LMTK2: variants seen among roughly 807,000 people sequenced by gnomAD.
The protein encoded by LMTK2 is serine/threonine-protein kinase LMTK2.
LMTK2 carries 37 observed loss-of-function variants against 127.5 expected under a neutral mutation model. The ratio of observed to expected loss-of-function variants is 0.29; its 90% CI spans 0.22 to 0.38. The LOEUF is 0.38. Ranked by LOEUF, LMTK2 falls within the 10% of genes least tolerant of loss-of-function variation. The pLI is 1.00. For missense variants in LMTK2, 1,694 were observed against 1,920.3 expected (o/e 0.88, Z 2.20); for synonymous variants, 819 against 810.1 (o/e 1.01, Z -0.19).
At chr7:98,123,506 G>C (rs1436319312) in intron 1 of LMTK2, among the ~76,000 whole-genome samples, 1 of 151,950 alleles carries the variant, frequency 6.6e-6, no homozygotes, top group Non-Finnish European at 1.5e-5. Flanking sequence ...GTCTTGCAGT[G>C]GTGTCTCTGT....
At chr7:98,126,188 A>T (rs1157615287) in intron 1 of LMTK2, among the ~76,000 whole-genome samples, 1 of 152,174 alleles carries the variant, frequency 6.6e-6, no homozygotes, top group Non-Finnish European at 1.5e-5. Context: ...CACTTCTCCC[A>T]TCTTTCAGCT....
At position 98,193,118 on chromosome 7, in the gene LMTK2, G is replaced by A. The variant is rs1233560036; in HGVS notation, c.2653G>A (p.Asp885Asn). The stretch of plus-strand genomic sequence containing the variant: ...CCACAGCCTGGATAACAGGTCCCAG[G>A]ACTCTCCTGGCGAGAGTGAGGAGAC... ...RTHSLDNRSQ[D>N]SPGESEETLR... The change falls in exon 11 of 14, where the codon GAC becomes AAC. Residue 885 changes from aspartate to asparagine, a missense_variant. Asp to Asn is a conservative substitution (Grantham distance 23). Coordinates refer to ENST00000297293, the MANE Select transcript of LMTK2 (RefSeq NM_014916.4). This position sits in a 1 kb window ranked among gnomAD's most constrained non-coding sequence, Gnocchi z 4.1. The A allele has an allele frequency of 6.2e-7, 1 of 1,613,682 alleles. No individual in the cohort carries two copies. Among genetic ancestry groups the A allele is most frequent in the Admixed American group, 1.7e-5 (1 of 60,014 alleles).
In LMTK2 at chr7:98,193,830, G is replaced by C; in HGVS notation, c.3365G>C (p.Gly1122Ala). The change falls in exon 11 of 14, where the codon GGA (glycine) becomes GCA (alanine). Residue 1122 changes from glycine to alanine, a missense_variant. Around this residue, in one of 8 missense-constraint regions of LMTK2, gnomAD observed 554 missense variants for 567.7 expected, o/e 0.98. Coordinates refer to ENST00000297293, the MANE Select transcript of LMTK2 (RefSeq NM_014916.4). This position sits in a 1 kb window ranked among gnomAD's most constrained non-coding sequence, Gnocchi z 4.1. Reference protein sequence around the residue: ...EPEKRSEEVPGTSPSALVLVQ... With the variant: ...EPEKRSEEVPATSPSALVLVQ... Reference sequence around the variant, plus strand: ...GAGAAAAGGTCTGAGGAGGTCCCGGGAACCTCCCCATCCGCCTTGGTGTTG... The same window carrying C: ...GAGAAAAGGTCTGAGGAGGTCCCGGCAACCTCCCCATCCGCCTTGGTGTTG... 1 of 1,613,988 alleles carries C rather than the reference G, an allele frequency of 6.2e-7. No homozygotes were observed. The highest frequency in any genetic ancestry group is 8.5e-7 in the Non-Finnish European group (1 of 1,180,014).
At chr7:98,137,534 A>G in intron 2 of LMTK2, 92 bp downstream of exon 2, 3 of 1,296,692 alleles carry the variant, frequency 2.3e-6, no homozygotes, top group Non-Finnish European at 3.1e-6. Context: ...GAACAGGATC[A>G]GCAGATTTTT....
intron 3 of LMTK2, among the ~76,000 whole-genome samples, chr7:98,149,302 G>A (rs1321799081): frequency 2.6e-5 from 4 of 152,194 alleles, no homozygotes; most frequent in African/African-American, 9.7e-5. Flanking sequence ...AGCAGGGTAA[G>A]TTAAAGCTAC....
At chr7:98,131,417 A>G (rs748916944) in intron 1 of LMTK2, among the ~76,000 whole-genome samples, 40 of 151,650 alleles carry the variant, frequency 2.6e-4, no homozygotes, top group Non-Finnish European at 5.0e-4. Context: ...TTTCTCCCCA[A>G]GTGTTTTTCA....
At position 98,191,927 on chromosome 7, in the gene LMTK2, G is replaced by A. The variant is rs756530538; in HGVS notation, c.1462G>A (p.Glu488Lys). Residue 488 changes from glutamate to lysine, a missense_variant, in exon 11 of 14, where the codon GAG becomes AAG. Around this residue, in one of 8 missense-constraint regions of LMTK2, gnomAD observed 216 missense variants for 266.8 expected, o/e 0.81. Coordinates refer to ENST00000297293, the MANE Select transcript of LMTK2 (RefSeq NM_014916.4). ...GGCCGCTAAGCACGACCACTTTGAC[G>A]AGCGCAGCCGGGGCCACCTGGACGA... ...WEAAKHDHFD[E>K]RSRGHLDEGL... 4.3e-6 allele frequency: 7 copies of A among 1,613,968 alleles called. No individual in the cohort carries two copies. The highest frequency in any genetic ancestry group is 1.3e-5 in the African/African-American group (1 of 74,886).
At chr7:98,145,790 G>T (rs1408968347) in intron 3 of LMTK2, among the ~76,000 whole-genome samples, 1 of 152,004 alleles carries the variant, frequency 6.6e-6, no homozygotes, top group African/African-American at 2.4e-5. Flanking sequence ...GTCCTTTGAC[G>T]CATAAAACTT....
chr7:98,197,078 T>C (rs1404993515), intron 11 of LMTK2, among the ~76,000 whole-genome samples: 1 of 152,250 alleles, frequency 6.6e-6, no homozygotes, highest in Non-Finnish European at 1.5e-5. Flanking sequence ...TAACTGAGTG[T>C]TCATGGGATT....
intron 7 of LMTK2, among the ~76,000 whole-genome samples, chr7:98,175,792 A>G (rs1797268069): frequency 6.6e-6 from 1 of 152,244 alleles, no homozygotes; most frequent in African/African-American, 2.4e-5. Context: ...AAGAGATGGA[A>G]AGACTGTAAT....
At chr7:98,152,972 G>A (rs1342526126) in intron 4 of LMTK2, among the ~76,000 whole-genome samples, 2 of 152,190 alleles carry the variant, frequency 1.3e-5, no homozygotes, top group Admixed American at 6.5e-5. Context: ...TGTGGAGGAA[G>A]AGGCAGTCAG....
chr7:98,140,132 T>G lies in LMTK2; in HGVS notation c.232-1265T>G, dbSNP rs1562902607. Among the ~76,000 whole-genome samples the G allele has an allele frequency of 4.2e-3, 36 of 8,534 alleles. 2 individuals carry two copies. The highest frequency in any genetic ancestry group is 0.027 in the African/African-American group (26 of 948). 5.6% of individuals were successfully genotyped at this position (8,534 alleles called of 152,430 possible). A position where few individuals can be genotyped will look rare whatever the true frequency, so the allele number is the denominator to read the frequency against. On this transcript the variant is annotated intron_variant, in intron 2 of 13. Transcript: ENST00000297293. ...TTTCTTTCTTTCTTTCTTTCTTTCTTTCTTTCTTTCTTTTCTTTTCTTTTC... is the reference window on the plus strand; with the variant it reads ...TTTCTTTCTTTCTTTCTTTCTTTCTGTCTTTCTTTCTTTTCTTTTCTTTTC...
rs535375938 is a variant in LMTK2, at chr7:98,194,028, C to T, written c.3563C>T (p.Pro1188Leu). 3.1e-6 allele frequency: 5 copies of T among 1,614,154 alleles called. No homozygotes were observed. In the East Asian group the frequency reaches 8.9e-5, roughly 29 times the overall value. The change falls in exon 11 of 14, where the codon CCC becomes CTC. Residue 1188 changes from proline (P) to leucine (L), a missense_variant. This residue lies in a region of LMTK2 where 554 missense variants were observed against 567.7 expected (regional missense o/e 0.98). Transcript: ENST00000297293. This position sits in a 1 kb window ranked among gnomAD's most constrained non-coding sequence, Gnocchi z 5.4. ...ATPEPAQTGV[P>L]QQVHPTEDEA... ...CCGGAGCCAGCACAGACTGGTGTTCCCCAGCAGGTGCATCCCACGGAAGAC... is the reference window on the plus strand; with the variant it reads ...CCGGAGCCAGCACAGACTGGTGTTCTCCAGCAGGTGCATCCCACGGAAGAC...
At position 98,193,538 on chromosome 7, in the gene LMTK2, G is replaced by A. The variant is rs1489268046; in HGVS notation, c.3073G>A (p.Asp1025Asn). 8.1e-6 allele frequency: 13 copies of A among 1,614,026 alleles called. No homozygotes were observed. The highest frequency in any genetic ancestry group is 2.2e-5 in the East Asian group (1 of 44,886). Reference sequence around the variant, plus strand: ...CACTCCCCAGAAACTAGTGCCCCCCGATAAGCCGGCAGACAGTGGCTACGA... The same window carrying A: ...CACTCCCCAGAAACTAGTGCCCCCCAATAAGCCGGCAGACAGTGGCTACGA... ...SHTPQKLVPP[D>N]KPADSGYETE... The change falls in exon 11 of 14, where the codon GAT (aspartate) becomes AAT (asparagine). Residue 1025 changes from aspartate to asparagine, a missense_variant. Asp to Asn is a conservative substitution (Grantham distance 23, BLOSUM62 1). Around this residue, in one of 8 missense-constraint regions of LMTK2, gnomAD observed 65 missense variants for 116.5 expected, o/e 0.56. Coordinates refer to ENST00000297293, the MANE Select transcript of LMTK2 (RefSeq NM_014916.4). The surrounding 1 kb of genome is among the most constrained non-coding windows in gnomAD (Gnocchi z 4.1).
At chr7:98,165,831 AG>A (rs1289065307) in intron 6 of LMTK2, among the ~76,000 whole-genome samples, 1 of 152,020 alleles carries the variant, frequency 6.6e-6, no homozygotes, top group Non-Finnish European at 1.5e-5. Context: ...TGTAGAGGAG[AG>A]GGGACACAGA....
At chr7:98,140,776 G>C (rs1185228547) in intron 2 of LMTK2, among the ~76,000 whole-genome samples, 1 of 151,774 alleles carries the variant, frequency 6.6e-6, no homozygotes, top group Non-Finnish European at 1.5e-5. Flanking sequence ...TAAAAGAATT[G>C]CTTGGCCAGG....
At position 98,192,384 on chromosome 7, in the gene LMTK2, A is replaced by G; in HGVS notation, c.1919A>G (p.Asp640Gly). 6.2e-7 allele frequency: 1 copy of G among 1,607,072 alleles called. No homozygotes were observed. The highest frequency in any genetic ancestry group is 8.5e-7 in the Non-Finnish European group (1 of 1,178,184). The change falls in exon 11 of 14, where the codon GAC (aspartate) becomes GGC (glycine). Residue 640 changes from aspartate to glycine, a missense_variant. Asp to Gly is a moderately conservative substitution (Grantham distance 94). Coordinates refer to ENST00000297293, the MANE Select transcript of LMTK2 (RefSeq NM_014916.4). The stretch of plus-strand genomic sequence containing the variant: ...TTCAACAATATATTTAATGATGTGG[A>G]CAAATCGGAAGATTTGCCCAGTCAC... ...SPFNNIFNDV[D>G]KSEDLPSHQK... is the part of the protein sequence containing the mutation.
chr7:98,205,439 G>A (rs369293299), intron 13 of LMTK2, 25 bp from the exon 14 acceptor site: 75 of 1,613,530 alleles, frequency 4.6e-5, no homozygotes, highest in Non-Finnish European at 5.8e-5. Flanking sequence ...CAGCTTTGTC[G>A]TCTCGCTTCC....
intron 7 of LMTK2, among the ~76,000 whole-genome samples, chr7:98,180,695 A>G (rs1022249942): frequency 3.3e-5 from 5 of 152,346 alleles, no homozygotes; most frequent in Middle Eastern, 3.4e-3. Context: ...AAGGGGAAAA[A>G]TAAACATTTT....
Sources: gnomAD v4.1 joint callset for allele counts (sites outside exome capture counted in the v4.1 genomes callset) on GRCh38, gnomAD v4.1.1 for gene constraint, gnomAD v4.1.1 regional missense constraint, Gnocchi (gnomAD v3.1) non-coding constraint, MANE v1.5 for transcripts, NCBI Gene and HGNC (gene_info 2026-07-23, HGNC 2026-07-21) for gene names.